The following CSMD1 variants were observed in gnomAD, a reference collection of about 807,000 sequenced individuals.
The protein encoded by CSMD1 is CUB and sushi domain-containing protein 1.
A neutral mutation model predicts 417.5 loss-of-function variants in CSMD1; 213 were observed. The ratio of observed to expected loss-of-function variants is 0.51; its 90% CI spans 0.46 to 0.57. The LOEUF (loss-of-function observed/expected upper bound fraction) is 0.57. Among genes scored for constraint, CSMD1 ranks in the 20% least tolerant of loss-of-function variants. CSMD1 has a pLI of 0.00. For synonymous variants in CSMD1, 2,862 were observed against 1,736.8 expected, an observed-to-expected ratio of 1.65 and a Z score of -16.11; for missense variants, 6,923 against 4,529.7, an observed-to-expected ratio of 1.53 and a Z score of -15.17.
At chr8:3,862,926 G>A (rs77549414) in intron 5 of CSMD1, among the ~76,000 whole-genome samples, 1 of 152,048 alleles carries the variant, frequency 6.6e-6, no homozygotes, top group Non-Finnish European at 1.5e-5. Context: ...ATTTGTCTGG[G>A]GATTTTTAAA....
At chr8:3,806,927 C>G (rs1398010023) in intron 5 of CSMD1, among the ~76,000 whole-genome samples, 1 of 152,040 alleles carries the variant, frequency 6.6e-6, no homozygotes, top group Non-Finnish European at 1.5e-5. Context: ...GGTACTTATT[C>G]TAATTGTCAG....
intron 5 of CSMD1, among the ~76,000 whole-genome samples, chr8:3,881,249 T>C: frequency 1.1e-5 from 1 of 87,360 alleles, no homozygotes. Context: ...CAGAGTTTTG[T>C]TTCTTTGTTT....
In CSMD1 at chr8:3,796,495, A is replaced by G. The variant is rs535002926; in HGVS notation, c.819-42453T>C. On this transcript the variant is annotated intron_variant, in intron 5 of 69. Transcript: ENST00000635120. ...ATATAGATATCTATCTATCATGTAT[A>G]GATATAGATATATATATCTATATAT... 1.9e-4 allele frequency among the ~76,000 whole-genome samples: 27 copies of G among 143,934 alleles called. No homozygotes were observed. In the South Asian group the frequency reaches 2.6e-3, roughly 14 times the overall value. 94.4% of individuals were successfully genotyped at this position (143,934 alleles called of 152,430 possible). A position where few individuals can be genotyped will look rare whatever the true frequency, so the allele number is the denominator to read the frequency against.
At chr8:4,127,638 G>C (rs1402462909) in intron 3 of CSMD1, among the ~76,000 whole-genome samples, 3 of 151,840 alleles carry the variant, frequency 2.0e-5, no homozygotes, top group Non-Finnish European at 4.4e-5. Flanking sequence ...ATGCATATTA[G>C]AACCACTCAC....
chr8:3,581,703 C>T lies in CSMD1; in HGVS notation c.1222+4433G>A, dbSNP rs142718432. On this transcript the variant is annotated intron_variant, in intron 9 of 69. Coordinates refer to ENST00000635120, the MANE Select transcript of CSMD1 (RefSeq NM_033225.6). ...GGGGCATTTTATTGCATTTCATAGA[C>T]GGTTGAGTTGAGAATATGTGGCAGA... Among the ~76,000 whole-genome samples the T allele has an allele frequency of 3.8e-3, 583 of 152,242 alleles. 5 individuals are homozygous for T. The highest frequency in any genetic ancestry group is 0.013 in the African/African-American group (530 of 41,536).
chr8:4,207,775 C>G (rs1053932825), intron 3 of CSMD1, among the ~76,000 whole-genome samples: 3 of 151,996 alleles, frequency 2.0e-5, no homozygotes, highest in Non-Finnish European at 2.9e-5. Context: ...GGATAGCAAA[C>G]CATTAGAACT....
chr8:3,725,118 A>G (rs775978611), intron 6 of CSMD1, among the ~76,000 whole-genome samples: 40 of 152,176 alleles, frequency 2.6e-4, no homozygotes, highest in Non-Finnish European at 5.0e-4. Context: ...TTTTCAGCAA[A>G]GGAGGTAGAC....
intron 23 of CSMD1, among the ~76,000 whole-genome samples, chr8:3,318,185 T>C (rs1426563808): frequency 1.3e-5 from 2 of 152,244 alleles, no homozygotes; most frequent in African/African-American, 2.4e-5. Context: ...GCTTGTAATA[T>C]TCTATTTTTA....
At chr8:4,462,248 C>T (rs1338981809) in intron 2 of CSMD1, among the ~76,000 whole-genome samples, 1 of 152,048 alleles carries the variant, frequency 6.6e-6, no homozygotes, top group Non-Finnish European at 1.5e-5. Flanking sequence ...AATCCCTTTA[C>T]CATAGCATCT....
At chr8:3,946,687 C>T (rs966666800) in intron 5 of CSMD1, among the ~76,000 whole-genome samples, 6 of 152,104 alleles carry the variant, frequency 3.9e-5, no homozygotes, top group African/African-American at 1.4e-4. Context: ...CATTCATGGT[C>T]TAGTGTATCT....
chr8:3,255,122 T>G (rs1463852898), intron 26 of CSMD1, among the ~76,000 whole-genome samples: 1 of 152,198 alleles, frequency 6.6e-6, no homozygotes, highest in Non-Finnish European at 1.5e-5. Context: ...CTCTTGGAGT[T>G]TGCGGAGGTC....
intron 5 of CSMD1, among the ~76,000 whole-genome samples, chr8:3,886,174 T>G (rs1444803925): frequency 6.6e-6 from 1 of 151,960 alleles, no homozygotes; most frequent in East Asian, 1.9e-4. Flanking sequence ...CTCAGCCTCT[T>G]GAGTAGGTGG....
intron 3 of CSMD1, among the ~76,000 whole-genome samples, chr8:4,357,789 G>C (rs1363837065): frequency 1.3e-5 from 2 of 152,108 alleles, no homozygotes; most frequent in Admixed American, 6.6e-5. Flanking sequence ...GGAGGATGGG[G>C]AGACAGAGGA....
At chr8:4,126,333 A>G (rs1802762964) in intron 3 of CSMD1, among the ~76,000 whole-genome samples, 1 of 152,224 alleles carries the variant, frequency 6.6e-6, no homozygotes, top group Non-Finnish European at 1.5e-5. Context: ...GCAGGGGGCA[A>G]GGTGAACCCA....
At chr8:4,519,604 G>T (rs944835037) in intron 2 of CSMD1, among the ~76,000 whole-genome samples, 2 of 151,086 alleles carry the variant, frequency 1.3e-5, no homozygotes, top group Non-Finnish European at 2.9e-5. Flanking sequence ...GCCCGACATG[G>T]TTGCAGGTAC....
chr8:4,452,583 C>T (rs1006954385), intron 2 of CSMD1, among the ~76,000 whole-genome samples: 8 of 152,188 alleles, frequency 5.3e-5, no homozygotes, highest in African/African-American at 1.9e-4. Flanking sequence ...TATTAAACAT[C>T]AGAAAACCGG....
At chr8:3,822,344 T>A (rs1167269306) in intron 5 of CSMD1, among the ~76,000 whole-genome samples, 1 of 152,160 alleles carries the variant, frequency 6.6e-6, no homozygotes, top group Non-Finnish European at 1.5e-5. Context: ...TGACATCAAG[T>A]ACTTTAAAAG....
chr8:4,665,114 T>G (rs1804836253), intron 1 of CSMD1, among the ~76,000 whole-genome samples: 1 of 152,216 alleles, frequency 6.6e-6, no homozygotes, highest in Admixed American at 6.5e-5. Flanking sequence ...CCCTGCCCTC[T>G]GTATTTCTGG....
chr8:4,578,135 C>A (rs1407346104), intron 2 of CSMD1, among the ~76,000 whole-genome samples: 1 of 152,090 alleles, frequency 6.6e-6, no homozygotes, highest in Non-Finnish European at 1.5e-5. Context: ...AAGTCCCCCA[C>A]ATCTTACCAC....
Sources: allele counts gnomAD v4.1 joint callset (sites outside exome capture counted in the v4.1 genomes callset), GRCh38; gene constraint gnomAD v4.1.1; transcripts MANE v1.5; gene names NCBI Gene and HGNC (gene_info 2026-07-23, HGNC 2026-07-21).